The following HRH1 variants were observed in gnomAD, a reference collection of about 807,000 sequenced individuals.
HRH1 encodes the protein histamine H1 receptor.
In HRH1, 6 loss-of-function variants were observed where a neutral mutation model predicts 10.3. The ratio of observed to expected loss-of-function variants is 0.58; its 90% CI spans 0.32 to 1.15. The LOEUF is 1.15. Ranked by LOEUF, HRH1 falls within the 50% of genes most tolerant of loss-of-function variation. The pLI is 0.05. For synonymous variants in HRH1, 242 were observed against 236.7 expected, an observed-to-expected ratio of 1.02 and a Z score of -0.21; for missense variants, 514 against 615.3, an observed-to-expected ratio of 0.84 and a Z score of 1.74.
intron 1 of HRH1, among the ~76,000 whole-genome samples, chr3:11,217,446 T>C (rs912061611): frequency 6.6e-6 from 1 of 152,096 alleles, no homozygotes; most frequent in Non-Finnish European, 1.5e-5. Flanking sequence ...GGAGAATCAC[T>C]TGAACCCGGC....
At chr3:11,167,877 A>G (rs1481242736) in intron 1 of HRH1, among the ~76,000 whole-genome samples, 1 of 152,216 alleles carries the variant, frequency 6.6e-6, no homozygotes, top group East Asian at 1.9e-4. Flanking sequence ...TCAACAGTTA[A>G]TATTTTCTCT....
intron 1 of HRH1, among the ~76,000 whole-genome samples, chr3:11,142,504 T>C (rs867726561): frequency 6.6e-6 from 1 of 151,704 alleles, no homozygotes; most frequent in African/African-American, 2.4e-5. Context: ...AATAAATAAG[T>C]AAACAAAGAA....
At chr3:11,149,775 G>A (rs111836910), upstream of HRH1, among the ~76,000 whole-genome samples, 21 of 152,320 alleles carry the variant, frequency 1.4e-4, no homozygotes, top group Non-Finnish European at 2.2e-4. Context: ...CTCCTACAGC[G>A]TATATGAACG....
At position 11,212,515 on chromosome 3, in the gene HRH1, C is replaced by T. The variant is rs141098078; in HGVS notation, c.-35-46488C>T. 3.5e-3 allele frequency among the ~76,000 whole-genome samples: 531 copies of T among 152,238 alleles called. 4 individuals are homozygous for T. Among genetic ancestry groups the T allele is most frequent in the Non-Finnish European group, 4.3e-3 (295 of 68,018 alleles). On this transcript the variant is annotated intron_variant, in intron 1 of 1. Coordinates refer to ENST00000431010, the MANE Select transcript of HRH1 (RefSeq NM_001098212.2). ...AGGACCCACTGGGGCTATCACGGGGCCCTACACAGTCCTGTGCTGTGGGAG... is the reference window on the plus strand; with the variant it reads ...AGGACCCACTGGGGCTATCACGGGGTCCTACACAGTCCTGTGCTGTGGGAG...
At chr3:11,141,500 T>C (rs1341042938) in intron 1 of HRH1, among the ~76,000 whole-genome samples, 1 of 152,210 alleles carries the variant, frequency 6.6e-6, no homozygotes, top group African/African-American at 2.4e-5. Flanking sequence ...ATCTGAAGGC[T>C]TGACTTGGCT....
intron 1 of HRH1, among the ~76,000 whole-genome samples, chr3:11,250,566 A>T (rs1324456201): frequency 6.6e-6 from 1 of 152,066 alleles, no homozygotes; most frequent in Non-Finnish European, 1.5e-5. Context: ...ATGAACTGGT[A>T]ATTCAATGGG....
At chr3:11,247,330 T>G (rs766941665) in intron 1 of HRH1, among the ~76,000 whole-genome samples, 2 of 152,088 alleles carry the variant, frequency 1.3e-5, no homozygotes, top group Non-Finnish European at 2.9e-5. Flanking sequence ...AAGGCAAATT[T>G]CCTTCTGCAG....
intron 1 of HRH1, among the ~76,000 whole-genome samples, chr3:11,228,644 C>T (rs1429367607): frequency 6.6e-6 from 1 of 152,098 alleles, no homozygotes; most frequent in Non-Finnish European, 1.5e-5. Context: ...GGGCCGAGCA[C>T]AGTGGCTCAT....
At chr3:11,153,423 C>T (rs1362452420), upstream of HRH1, among the ~76,000 whole-genome samples, 1 of 152,138 alleles carries the variant, frequency 6.6e-6, no homozygotes, top group Admixed American at 6.5e-5. Context: ...TCAGACCCAG[C>T]TCTGTGTGGT....
intron 1 of HRH1, among the ~76,000 whole-genome samples, chr3:11,246,757 A>T (rs766989082): frequency 2.0e-5 from 3 of 152,212 alleles, no homozygotes; most frequent in Non-Finnish European, 4.4e-5. Flanking sequence ...ATAAAAACAA[A>T]TCATGGCTGG....
intron 1 of HRH1, among the ~76,000 whole-genome samples, chr3:11,231,062 G>A (rs1227733885): frequency 1.3e-5 from 2 of 152,046 alleles, no homozygotes; most frequent in Non-Finnish European, 2.9e-5. Flanking sequence ...TTCTGTAATG[G>A]TGTCATTTCA....
chr3:11,225,396 T>A (rs1033822034), intron 1 of HRH1, among the ~76,000 whole-genome samples: 6 of 152,100 alleles, frequency 3.9e-5, no homozygotes, highest in Non-Finnish European at 8.8e-5. Context: ...CGGGAAGATA[T>A]GTAGGCCTAG....
intron 1 of HRH1, among the ~76,000 whole-genome samples, chr3:11,205,632 G>A (rs191090116): frequency 3.3e-5 from 5 of 151,768 alleles, no homozygotes; most frequent in Admixed American, 6.6e-5. Flanking sequence ...ATGGGCAAGA[G>A]CTCTGTTCCC....
At chr3:11,197,945 A>T (rs1051981858) in intron 1 of HRH1, among the ~76,000 whole-genome samples, 11 of 152,086 alleles carry the variant, frequency 7.2e-5, no homozygotes, top group African/African-American at 2.4e-4. Context: ...CTCCAATCTC[A>T]TTCCCTGCCT....
chr3:11,235,557 A>T (rs754272330), intron 1 of HRH1, among the ~76,000 whole-genome samples: 2 of 152,120 alleles, frequency 1.3e-5, no homozygotes, highest in Non-Finnish European at 2.9e-5. Flanking sequence ...GAGGGATGAG[A>T]GTGCCTCCTC....
At chr3:11,228,911 CAA>C (rs10710059) in intron 1 of HRH1, among the ~76,000 whole-genome samples, 3,114 of 115,494 alleles carry the variant, frequency 0.027, 49 homozygotes, top group East Asian at 0.12. Context: ...GAGAGTATGT[CAA>C]AAAAAAAAAA....
Position 11,260,284 on chromosome 3 carries a change from A to T in HRH1, c.1247A>T (p.Gln416Leu), listed in dbSNP as rs776676978. 1.2e-6 allele frequency: 2 copies of T among 1,614,166 alleles called. No individual in the cohort carries two copies. The highest frequency in any genetic ancestry group is 8.5e-7 in the Non-Finnish European group (1 of 1,180,020). Reference sequence around the variant, plus strand: ...AACCGCGAAAGGAAGGCCGCCAAACAGTTGGGTTTTATCATGGCAGCCTTC... The same window carrying T: ...AACCGCGAAAGGAAGGCCGCCAAACTGTTGGGTTTTATCATGGCAGCCTTC... ...HMNRERKAAK[Q>L]LGFIMAAFIL... is the part of the protein sequence containing the mutation. The change falls in exon 2 of 2, where the codon CAG (glutamine) becomes CTG (leucine). Residue 416 changes from glutamine (Q) to leucine (L), a missense_variant. Physicochemically the swap from Gln to Leu is moderately radical, Grantham distance 113. Coordinates refer to ENST00000431010, the MANE Select transcript of HRH1 (RefSeq NM_001098212.2).
chr3:11,256,292 TG>T lies in HRH1; in HGVS notation c.-35-2709del, dbSNP rs530137354. Among the ~76,000 whole-genome samples the T allele has an allele frequency of 4.9e-3, 741 of 152,182 alleles. 1 individual carries two copies. Among genetic ancestry groups the T allele is most frequent in the Middle Eastern group, 0.01 (3 of 294 alleles). On this transcript the variant is annotated intron_variant, in intron 1 of 1. Coordinates refer to ENST00000431010, the MANE Select transcript of HRH1 (RefSeq NM_001098212.2). ...AAAATACCGCTGTAAGAAAGAGACC[TG>T]GAAAAGTCTTTAGAGATTGTCTATC... is the stretch of plus-strand genomic sequence containing the variant.
intron 1 of HRH1, among the ~76,000 whole-genome samples, chr3:11,188,368 G>A (rs146027715): frequency 1.1e-4 from 17 of 152,294 alleles, no homozygotes; most frequent in Admixed American, 3.3e-4. Context: ...TTGGGAAGCC[G>A]AGGCGGGTGG....
Sources: gnomAD v4.1 joint callset for allele counts (sites outside exome capture counted in the v4.1 genomes callset) on GRCh38, gnomAD v4.1.1 for gene constraint, MANE v1.5 for transcripts, NCBI Gene and HGNC (gene_info 2026-07-23, HGNC 2026-07-21) for gene names.